LHFPL2: variants seen among roughly 807,000 people sequenced by gnomAD.
The protein encoded by LHFPL2 is LHFPL tetraspan subfamily member 2.
In LHFPL2, 7 loss-of-function variants were observed where a neutral mutation model predicts 17.5. That is an observed-to-expected ratio of 0.40 (90% CI 0.23 to 0.75). The LOEUF is 0.75. Among genes scored for constraint, LHFPL2 ranks in the 30% least tolerant of loss-of-function variants. The probability of loss-of-function intolerance (pLI) is 0.37; values close to 1 mark genes in which losing one functional copy is unlikely to be tolerated. For missense variants in LHFPL2, 241 were observed against 294.8 expected (o/e 0.82, Z 1.34); for synonymous variants, 134 against 116.2 (o/e 1.15, Z -0.99).
At chr5:78,587,404 G>A (rs184718461) in intron 2 of LHFPL2, among the ~76,000 whole-genome samples, 41 of 152,266 alleles carry the variant, frequency 2.7e-4, no homozygotes, top group African/African-American at 9.9e-4. Context: ...AAATGATACA[G>A]CAGAAAAAGA....
At chr5:78,561,368 G>A (rs538622095) in intron 3 of LHFPL2, among the ~76,000 whole-genome samples, 25 of 152,216 alleles carry the variant, frequency 1.6e-4, no homozygotes, top group African/African-American at 5.1e-4. Context: ...GGAGACTACC[G>A]TATCGGATGG....
Position 78,510,133 on chromosome 5 carries a change from G to A in LHFPL2, c.81C>T (p.Ala27=). 1.2e-6 allele frequency: 2 copies of A among 1,613,152 alleles called. No homozygotes were observed. Among genetic ancestry groups the A allele is most frequent in the Non-Finnish European group, 1.7e-6 (2 of 1,179,444 alleles). Residue 27 remains alanine (A), a synonymous_variant, in exon 4 of 5, where the codon GCC becomes GCT. Coordinates refer to ENST00000380345, the MANE Select transcript of LHFPL2 (RefSeq NM_005779.3). ...SIVVAFAELI[A]FMSADWLIGK... Reference sequence around the variant, plus strand: ...CGATCAGCCAGTCTGCACTCATGAAGGCAATGAGCTCGGCAAAAGCCACCA... The same window carrying A: ...CGATCAGCCAGTCTGCACTCATGAAAGCAATGAGCTCGGCAAAAGCCACCA...
chr5:78,521,508 A>C (rs1755457622), intron 3 of LHFPL2, among the ~76,000 whole-genome samples: 1 of 152,232 alleles, frequency 6.6e-6, no homozygotes, highest in Admixed American at 6.5e-5. Context: ...ATTATCAACA[A>C]CACCATGGAT....
intron 3 of LHFPL2, among the ~76,000 whole-genome samples, chr5:78,561,655 G>T (rs781490061): frequency 3.9e-5 from 6 of 152,092 alleles, no homozygotes; most frequent in Non-Finnish European, 8.8e-5. Context: ...TCTGATTCTC[G>T]GCTTCCCTTC....
intron 3 of LHFPL2, among the ~76,000 whole-genome samples, chr5:78,525,827 A>C (rs1755607150): frequency 1.3e-5 from 2 of 152,260 alleles, no homozygotes; most frequent in Admixed American, 1.3e-4. Flanking sequence ...TAAATAGCTG[A>C]AAATGGCCAC....
intron 2 of LHFPL2, among the ~76,000 whole-genome samples, chr5:78,596,292 A>C (rs1309848524): frequency 6.6e-6 from 1 of 152,248 alleles, no homozygotes; most frequent in East Asian, 1.9e-4. Flanking sequence ...TCATCCCAAA[A>C]GATTGGACTT....
chr5:78,580,670 C>A (rs369436532), intron 2 of LHFPL2, among the ~76,000 whole-genome samples: 2 of 152,164 alleles, frequency 1.3e-5, no homozygotes, highest in African/African-American at 2.4e-5. Context: ...ATGCGGCGTT[C>A]TTTCTGAGGG....
At chr5:78,512,394 C>T (rs1019769105) in intron 3 of LHFPL2, among the ~76,000 whole-genome samples, 2 of 149,720 alleles carry the variant, frequency 1.3e-5, no homozygotes. Flanking sequence ...TAATTTATAT[C>T]CAACTGGTGG....
chr5:78,585,462 C>T (rs763237800), intron 2 of LHFPL2, among the ~76,000 whole-genome samples: 2 of 152,172 alleles, frequency 1.3e-5, no homozygotes, highest in African/African-American at 2.4e-5. Context: ...CGCCCTGCTT[C>T]GGCTCACGCA....
At chr5:78,571,832 A>C (rs572676343) in intron 2 of LHFPL2, among the ~76,000 whole-genome samples, 1 of 152,372 alleles carries the variant, frequency 6.6e-6, no homozygotes, top group Admixed American at 6.5e-5. Context: ...ATGTCTAGCT[A>C]GGTAAGTACA....
intron 1 of LHFPL2, among the ~76,000 whole-genome samples, chr5:78,636,748 G>T (rs534186874): frequency 1.3e-5 from 2 of 152,274 alleles, no homozygotes; most frequent in South Asian, 4.1e-4. Context: ...CAGTATCTTT[G>T]AGCACTTAAT....
intron 2 of LHFPL2, among the ~76,000 whole-genome samples, chr5:78,611,826 T>C (rs1208486392): frequency 2.0e-5 from 3 of 152,150 alleles, no homozygotes; most frequent in African/African-American, 7.2e-5. Flanking sequence ...TTACAGAAAA[T>C]CTATCGTTAA....
chr5:78,590,201 G>GAACAACAAC (rs3068896), intron 2 of LHFPL2: 53,211 of 150,564 alleles, frequency 0.35, 10,423 homozygotes, highest in Non-Finnish European at 0.46. Flanking sequence ...ACCTAGCCAG[G>GAACAACAAC]AACAACAACA....
At chr5:78,599,610 A>G (rs1316666018) in intron 2 of LHFPL2, among the ~76,000 whole-genome samples, 1 of 151,772 alleles carries the variant, frequency 6.6e-6, no homozygotes, top group African/African-American at 2.4e-5. Flanking sequence ...CCCAGCCCCT[A>G]CTTCTACCAG....
At chr5:78,519,862 A>G (rs1261919749) in intron 3 of LHFPL2, among the ~76,000 whole-genome samples, 1 of 152,234 alleles carries the variant, frequency 6.6e-6, no homozygotes, top group African/African-American at 2.4e-5. Context: ...TCTGGCATGT[A>G]GGTAATTAGC....
chr5:78,628,835 G>C (rs1459615191), intron 2 of LHFPL2, among the ~76,000 whole-genome samples: 1 of 152,226 alleles, frequency 6.6e-6, no homozygotes, highest in African/African-American at 2.4e-5. Context: ...TGTCAAGTAA[G>C]TAGATGAAAT....
chr5:78,556,448 CAA>C (rs1479294383), intron 3 of LHFPL2, among the ~76,000 whole-genome samples: 3 of 152,246 alleles, frequency 2.0e-5, no homozygotes, highest in East Asian at 3.9e-4. Context: ...CACAAACTAG[CAA>C]AGACTTAAGA....
chr5:78,505,699 C>T (rs1250079431), intron 4 of LHFPL2, among the ~76,000 whole-genome samples: 1 of 152,132 alleles, frequency 6.6e-6, no homozygotes, highest in East Asian at 1.9e-4. Context: ...ATCCCTGTTC[C>T]GTAGAATGCA....
At chr5:78,597,516 G>A (rs947672779) in intron 2 of LHFPL2, among the ~76,000 whole-genome samples, 1 of 152,168 alleles carries the variant, frequency 6.6e-6, no homozygotes, top group African/African-American at 2.4e-5. Flanking sequence ...TCAACATGAC[G>A]TAAGAGTTTG....
Sources: allele counts gnomAD v4.1 joint callset (sites outside exome capture counted in the v4.1 genomes callset), GRCh38; gene constraint gnomAD v4.1.1; transcripts MANE v1.5; gene names NCBI Gene and HGNC (gene_info 2026-07-23, HGNC 2026-07-21).